The following PRKCA variants were observed in gnomAD, a reference collection of about 807,000 sequenced individuals.
The protein encoded by PRKCA is protein kinase C alpha type.
In PRKCA, 27 loss-of-function variants were observed where a neutral mutation model predicts 87.0. That is an observed-to-expected ratio of 0.31 (90% CI 0.23 to 0.43). PRKCA has a LOEUF of 0.43. PRKCA is among the 20% of genes least tolerant of loss of function. PRKCA has a pLI of 1.00. For synonymous variants in PRKCA, 329 were observed against 311.1 expected (o/e 1.06, Z -0.61); for missense variants, 518 against 852.3 (o/e 0.61, Z 4.88).
intron 3 of PRKCA, among the ~76,000 whole-genome samples, chr17:66,629,956 G>A (rs559043212): frequency 1.3e-5 from 2 of 152,314 alleles, no homozygotes; most frequent in South Asian, 4.1e-4. Context: ...CTATGGTTAT[G>A]TATAATGCTG....
At chr17:66,527,494 G>T (rs1967387256) in intron 3 of PRKCA, among the ~76,000 whole-genome samples, 1 of 152,198 alleles carries the variant, frequency 6.6e-6, no homozygotes, top group Non-Finnish European at 1.5e-5. Flanking sequence ...TTAGACAATA[G>T]GGTGATTATT....
At chr17:66,735,466 G>T in intron 9 of PRKCA, 23 bp from the exon 10 acceptor site, 1 of 1,614,096 alleles carries the variant, frequency 6.2e-7, no homozygotes, top group South Asian at 1.1e-5. Context: ...CAAGTGTTCA[G>T]GTTGTTCTTG....
chr17:66,560,531 A>G (rs1014322414), intron 3 of PRKCA, among the ~76,000 whole-genome samples: 1 of 151,440 alleles, frequency 6.6e-6, no homozygotes, highest in Non-Finnish European at 1.5e-5. Flanking sequence ...AATACCACCA[A>G]CTCCAGGCCA....
At chr17:66,384,416 A>G (rs138429984) in intron 2 of PRKCA, among the ~76,000 whole-genome samples, 1 of 152,330 alleles carries the variant, frequency 6.6e-6, no homozygotes, top group African/African-American at 2.4e-5. Flanking sequence ...CACATTTCCT[A>G]AGAGAATTAC....
intron 16 of PRKCA, among the ~76,000 whole-genome samples, chr17:66,802,970 G>T (rs1315598062): frequency 6.6e-6 from 1 of 152,142 alleles, no homozygotes; most frequent in Non-Finnish European, 1.5e-5. Flanking sequence ...GTCACCCTGG[G>T]CTCCCGGGGA....
intron 2 of PRKCA, among the ~76,000 whole-genome samples, chr17:66,460,023 C>A (rs1368301174): frequency 6.6e-6 from 1 of 152,172 alleles, no homozygotes; most frequent in African/African-American, 2.4e-5. Context: ...GCCTTTCTTG[C>A]AAAGTTGATT....
chr17:66,733,592 G>A (rs1413726161), intron 9 of PRKCA, among the ~76,000 whole-genome samples: 1 of 152,170 alleles, frequency 6.6e-6, no homozygotes, highest in Non-Finnish European at 1.5e-5. Context: ...AGGAGTTTGA[G>A]ACCAGCCTGG....
At chr17:66,320,562 G>C (rs1905597756) in intron 2 of PRKCA, among the ~76,000 whole-genome samples, 1 of 152,164 alleles carries the variant, frequency 6.6e-6, no homozygotes, top group Non-Finnish European at 1.5e-5. Flanking sequence ...GAACAGTCTA[G>C]TAACAACATA....
At chr17:66,389,116 C>T (rs539218004) in intron 2 of PRKCA, among the ~76,000 whole-genome samples, 2 of 152,340 alleles carry the variant, frequency 1.3e-5, no homozygotes, top group African/African-American at 2.4e-5. Flanking sequence ...CACCTTCCCA[C>T]GCAACTTGCA....
At chr17:66,631,787 G>A (rs1300661181) in intron 3 of PRKCA, among the ~76,000 whole-genome samples, 1 of 152,134 alleles carries the variant, frequency 6.6e-6, no homozygotes, top group Non-Finnish European at 1.5e-5. Context: ...TTGCATGCCT[G>A]TATCAAAACA....
rs552276373 is a variant in PRKCA at position 66,757,208 on chromosome 17, G to A, written c.1524+14448G>A. Among the ~76,000 whole-genome samples the A allele has an allele frequency of 1.4e-3, 191 of 139,278 alleles. 1 individual carries two copies. The Middle Eastern group carries it at 0.014, about 10-fold the overall frequency. The allele number at this position is 139,278 out of a possible 152,430, so 91.4% of individuals were successfully genotyped here. A position where few individuals can be genotyped will look rare whatever the true frequency, so the allele number is the denominator to read the frequency against. On this transcript the variant is annotated intron_variant, in intron 13 of 16. Coordinates refer to ENST00000413366, the MANE Select transcript of PRKCA (RefSeq NM_002737.3). ...TATGGCAGTAAAAACTTCCAAAACGGAAAAGCAAAGACTGAAAAAAAAAAA... is the reference window on the plus strand; with the variant it reads ...TATGGCAGTAAAAACTTCCAAAACGAAAAAGCAAAGACTGAAAAAAAAAAA...
intron 2 of PRKCA, among the ~76,000 whole-genome samples, chr17:66,329,209 G>C (rs1906176796): frequency 6.6e-6 from 1 of 152,176 alleles, no homozygotes. Context: ...ATGATTTGGA[G>C]GTAGAAGGGA....
At chr17:66,623,398 C>T (rs1183778475) in intron 3 of PRKCA, among the ~76,000 whole-genome samples, 1 of 152,126 alleles carries the variant, frequency 6.6e-6, no homozygotes, top group Non-Finnish European at 1.5e-5. Flanking sequence ...GGTGTGTCAC[C>T]CACGAAGGAA....
At chr17:66,340,957 G>A (rs188028530) in intron 2 of PRKCA, among the ~76,000 whole-genome samples, 1 of 152,270 alleles carries the variant, frequency 6.6e-6, no homozygotes. Flanking sequence ...GGAATCAGAG[G>A]AGTGTGGGGC....
chr17:66,387,863 C>G (rs1430773937), intron 2 of PRKCA, among the ~76,000 whole-genome samples: 1 of 152,188 alleles, frequency 6.6e-6, no homozygotes, highest in Admixed American at 6.5e-5. Context: ...TTAGACCTGC[C>G]AGATTCCTAC....
chr17:66,352,245 C>A (rs1245706742), intron 2 of PRKCA, among the ~76,000 whole-genome samples: 3 of 152,116 alleles, frequency 2.0e-5, no homozygotes, highest in Admixed American at 2.0e-4. Flanking sequence ...CCGGACAGTA[C>A]CCTATTTCCT....
At chr17:66,688,888 A>C in intron 7 of PRKCA, 63 bp from the exon 8 acceptor site, 1 of 1,038,790 alleles carries the variant, frequency 9.6e-7, no homozygotes, top group Non-Finnish European at 1.5e-6. Context: ...CCGCTCGACT[A>C]GAGGCTGCAG....
chr17:66,381,816 T>C (rs1567800034), intron 2 of PRKCA, among the ~76,000 whole-genome samples: 2 of 152,208 alleles, frequency 1.3e-5, no homozygotes, highest in East Asian at 3.8e-4. Flanking sequence ...CTCTGACCTG[T>C]TGTTTCCAAA....
At chr17:66,681,262 T>C (rs1454838943) in intron 5 of PRKCA, among the ~76,000 whole-genome samples, 1 of 152,194 alleles carries the variant, frequency 6.6e-6, no homozygotes, top group Non-Finnish European at 1.5e-5. Context: ...GACCGTTCTC[T>C]GAACGGATTG....
Sources: allele counts gnomAD v4.1 joint callset (sites outside exome capture counted in the v4.1 genomes callset), GRCh38; gene constraint gnomAD v4.1.1; transcripts MANE v1.5; gene names NCBI Gene and HGNC (gene_info 2026-07-23, HGNC 2026-07-21).